The following GRID2 variants were observed in gnomAD, a reference collection of about 807,000 sequenced individuals.
The protein encoded by GRID2 is glutamate ionotropic receptor delta type subunit 2.
A neutral mutation model predicts 114.8 loss-of-function variants in GRID2; 33 were observed. The observed-to-expected ratio is 0.29, with a 90% CI of 0.22 to 0.38. GRID2 has a LOEUF of 0.38. Ranked by LOEUF, GRID2 falls within the 10% of genes least tolerant of loss-of-function variation. The pLI is 1.00. For synonymous variants in GRID2, 505 were observed against 449.9 expected (o/e 1.12, Z -1.55); for missense variants, 1,184 against 1,257.7 (o/e 0.94, Z 0.89).
intron 2 of GRID2, among the ~76,000 whole-genome samples, chr4:92,727,454 T>C (rs570777592): frequency 1.2e-4 from 18 of 152,214 alleles, no homozygotes; most frequent in African/African-American, 4.3e-4. Flanking sequence ...ATCATAAGTA[T>C]ATTACTATTT....
At chr4:93,779,177 A>G (rs1209505634), downstream of GRID2, among the ~76,000 whole-genome samples, 3 of 148,944 alleles carry the variant, frequency 2.0e-5, no homozygotes, top group Admixed American at 2.0e-4. Flanking sequence ...TTAGATTCCT[A>G]CTTCATAATA....
intron 1 of GRID2, among the ~76,000 whole-genome samples, chr4:92,586,046 A>AT (rs892820655): frequency 7.9e-5 from 12 of 151,426 alleles, no homozygotes; most frequent in African/African-American, 2.9e-4. Flanking sequence ...TAATGTTAAA[A>AT]AGATTTAATC....
chr4:92,713,828 C>G (rs1397026562), intron 2 of GRID2, among the ~76,000 whole-genome samples: 1 of 151,916 alleles, frequency 6.6e-6, no homozygotes, highest in African/African-American at 2.4e-5. Context: ...TTACCTCCCA[C>G]CAGGTCCCTC....
intron 14 of GRID2, among the ~76,000 whole-genome samples, chr4:93,676,759 A>G (rs1177331801): frequency 6.6e-6 from 1 of 151,526 alleles, no homozygotes; most frequent in Non-Finnish European, 1.5e-5. Flanking sequence ...ATTACAAAAA[A>G]AAAAAAAAGA....
chr4:92,994,604 A>G (rs1391190937), intron 2 of GRID2, among the ~76,000 whole-genome samples: 1 of 152,132 alleles, frequency 6.6e-6, no homozygotes, highest in African/African-American at 2.4e-5. Flanking sequence ...GATTACAGGC[A>G]TGAGCCACCA....
intron 8 of GRID2, among the ~76,000 whole-genome samples, chr4:93,304,213 A>G (rs1445930867): frequency 1.9e-3 from 1 of 536 alleles, no homozygotes; most frequent in African/African-American, 0.012. Flanking sequence ...AAAATCGAGA[A>G]CTATTTTTTT....
intron 8 of GRID2, among the ~76,000 whole-genome samples, chr4:93,393,179 A>C (rs1251359737): frequency 6.6e-6 from 1 of 152,024 alleles, no homozygotes. Flanking sequence ...GTCTTTGAGC[A>C]TCCTAACTCT....
chr4:92,318,258 GGTT>G (rs1325484329), intron 1 of GRID2, among the ~76,000 whole-genome samples: 2 of 147,238 alleles, frequency 1.4e-5, no homozygotes, highest in East Asian at 2.0e-4. Flanking sequence ...TAAGTTGGGT[GGTT>G]GTTTCACAAG....
intron 1 of GRID2, among the ~76,000 whole-genome samples, chr4:92,486,898 C>A (rs183236277): frequency 6.6e-6 from 1 of 151,976 alleles, no homozygotes; most frequent in Admixed American, 6.6e-5. Context: ...TATGGATATA[C>A]AGTATAACCC....
intron 13 of GRID2, among the ~76,000 whole-genome samples, chr4:93,541,160 A>T (rs1014216611): frequency 4.6e-5 from 7 of 152,176 alleles, no homozygotes; most frequent in African/African-American, 1.7e-4. Flanking sequence ...AGATTTTAAA[A>T]GGCAGAAGGA....
intron 1 of GRID2, among the ~76,000 whole-genome samples, chr4:92,488,889 A>T (rs1723020916): frequency 6.6e-6 from 1 of 152,182 alleles, no homozygotes; most frequent in African/African-American, 2.4e-5. Context: ...CTACTCAAGG[A>T]GTCTCATGAC....
intron 9 of GRID2, among the ~76,000 whole-genome samples, chr4:93,409,458 A>G (rs1225940743): frequency 3.3e-5 from 5 of 152,206 alleles, no homozygotes; most frequent in Middle Eastern, 3.2e-3. Flanking sequence ...TTTAATCTTT[A>G]TGCTAAAACT....
chr4:92,509,960 G>A (rs969995027), intron 1 of GRID2, among the ~76,000 whole-genome samples: 2 of 151,850 alleles, frequency 1.3e-5, no homozygotes, highest in Admixed American at 6.6e-5. Context: ...TGAGAAAAAT[G>A]GGAAGACAAC....
intron 2 of GRID2, among the ~76,000 whole-genome samples, chr4:93,010,939 G>A (rs1487233015): frequency 6.6e-6 from 1 of 151,858 alleles, no homozygotes; most frequent in Admixed American, 6.6e-5. Context: ...TTCTTCTGTA[G>A]CCACCTAATG....
chr4:93,675,692 G>C (rs953002416), intron 14 of GRID2, among the ~76,000 whole-genome samples: 1 of 152,188 alleles, frequency 6.6e-6, no homozygotes, highest in African/African-American at 2.4e-5. Flanking sequence ...TATCTCTTAA[G>C]AGCAGTGAAA....
chr4:92,715,152 T>C (rs547153440), intron 2 of GRID2, among the ~76,000 whole-genome samples: 23 of 152,136 alleles, frequency 1.5e-4, no homozygotes, highest in Non-Finnish European at 2.5e-4. Flanking sequence ...CTAAATCATC[T>C]CTCTCAAAGT....
chr4:93,118,136 C>T (rs992182693), intron 4 of GRID2, among the ~76,000 whole-genome samples: 3 of 152,144 alleles, frequency 2.0e-5, no homozygotes, highest in African/African-American at 7.2e-5. Flanking sequence ...AGTCTGTAGT[C>T]TACGGCTTCT....
chr4:93,342,184 G>T (rs931838713), intron 8 of GRID2, among the ~76,000 whole-genome samples: 2 of 152,126 alleles, frequency 1.3e-5, no homozygotes, highest in African/African-American at 4.8e-5. Context: ...ACACCTGTAA[G>T]TCCATGTAAG....
chr4:93,546,453 A>G (rs1733225286), intron 13 of GRID2, among the ~76,000 whole-genome samples: 1 of 152,214 alleles, frequency 6.6e-6, no homozygotes, highest in Admixed American at 6.5e-5. Context: ...GACTGGATAG[A>G]GAAGGAGACC....
Sources: gnomAD v4.1 joint callset for allele counts (sites outside exome capture counted in the v4.1 genomes callset) on GRCh38, gnomAD v4.1.1 for gene constraint, MANE v1.5 for transcripts, NCBI Gene and HGNC (gene_info 2026-07-23, HGNC 2026-07-21) for gene names.